Variants in GLI2 observed in about 807,000 individuals in gnomAD.
GLI2 encodes GLI family zinc finger 2.
A neutral mutation model predicts 78.9 loss-of-function variants in GLI2; 22 were observed. The ratio of observed to expected loss-of-function variants is 0.28; its 90% confidence interval spans 0.20 to 0.40. GLI2 has a LOEUF of 0.40. Among genes scored for constraint, GLI2 ranks in the 10% least tolerant of loss-of-function variants. GLI2 has a pLI of 1.00. For missense variants in GLI2, 2,097 were observed against 2,213.2 expected (o/e 0.95, Z 1.05); for synonymous variants, 974 against 963.7 (o/e 1.01, Z -0.20).
chr2:120,750,786 G>C (rs1682843951), intron 1 of GLI2, among the ~76,000 whole-genome samples: 1 of 152,210 alleles, frequency 6.6e-6, no homozygotes, highest in African/African-American at 2.4e-5. Context: ...CCAGAACTTG[G>C]ATACTTCTGT....
At chr2:120,967,204 C>T (rs1681900258) in intron 5 of GLI2, among the ~76,000 whole-genome samples, 2 of 152,344 alleles carry the variant, frequency 1.3e-5, no homozygotes, top group African/African-American at 4.8e-5. Context: ...GCCAGCGGGA[C>T]ATGAGAAGAG....
chr2:120,739,590 G>T (rs1290853671), intron 1 of GLI2, among the ~76,000 whole-genome samples: 1 of 152,224 alleles, frequency 6.6e-6, no homozygotes. Context: ...TTCTACCTGG[G>T]CCAGAGCCTG....
chr2:120,784,087 A>G (rs1407304888), intron 1 of GLI2, among the ~76,000 whole-genome samples: 1 of 152,234 alleles, frequency 6.6e-6, no homozygotes. Context: ...GGGGCAATCC[A>G]GGAGACAGCT....
chr2:120,898,177 A>AACACGC (rs761532505), intron 2 of GLI2, among the ~76,000 whole-genome samples: 2 of 140,314 alleles, frequency 1.4e-5, no homozygotes, highest in East Asian at 4.2e-4. Flanking sequence ...TATAGATTAA[A>AACACGC]ACACACACAC....
At chr2:120,978,344 G>A (rs1367574949) in intron 9 of GLI2, 90 bp from the exon 10 acceptor site, 1 of 1,433,446 alleles carries the variant, frequency 7.0e-7, no homozygotes, top group African/African-American at 1.4e-5. Context: ...GGGCTGGGGG[G>A]GTGCCGGTGC....
chr2:120,783,477 G>A (rs989405361), intron 1 of GLI2, among the ~76,000 whole-genome samples: 1 of 151,926 alleles, frequency 6.6e-6, no homozygotes, highest in Admixed American at 6.6e-5. Flanking sequence ...TTTCCTCTCC[G>A]GAAGCCTTCA....
At position 120,816,289 on chromosome 2, in the gene GLI2, G is replaced by A. The variant is rs1311277749; in HGVS notation, c.148+18821G>A. Among the ~76,000 whole-genome samples the A allele has an allele frequency of 4.7e-5, 7 of 148,542 alleles. No homozygotes were observed. In the East Asian group the frequency reaches 1.0e-3, roughly 21 times the overall value. ...CAGTTCACTGCAACCTCCGCCTCCC[G>A]GGTTCAGGTGATTCTCCTGCCTCAG... On this transcript the variant is annotated intron_variant, in intron 2 of 13. Coordinates refer to ENST00000361492, the MANE Select transcript of GLI2 (RefSeq NM_001374353.1).
chr2:120,927,420 G>C lies in GLI2; in HGVS notation c.208G>C (p.Glu70Gln), dbSNP rs761330896. 1 of 1,614,038 alleles carries C rather than the reference G, an allele frequency of 6.2e-7. No individual in the cohort carries two copies. The change falls in exon 3 of 14, where the codon GAA becomes CAA. Residue 70 changes from glutamate (E) to glutamine (Q), a missense_variant. Coordinates refer to ENST00000361492, the MANE Select transcript of GLI2 (RefSeq NM_001374353.1). ...APLPIDMRHQ[E>Q]GRYHYEPHSV... ...CCTACCGATTGACATGCGACACCAGGAAGGAAGGTACCATTACGAGCCTCA... is the reference window on the plus strand; with the variant it reads ...CCTACCGATTGACATGCGACACCAGCAAGGAAGGTACCATTACGAGCCTCA...
At chr2:120,972,769 G>A (rs1033122508) in intron 8 of GLI2, 11 of 488,922 alleles carry the variant, frequency 2.2e-5, no homozygotes, top group Non-Finnish European at 4.1e-5. Flanking sequence ...AAGTTCAAGC[G>A]GGGAGAGAAG....
At chr2:120,953,778 G>A (rs777407835) in intron 4 of GLI2, among the ~76,000 whole-genome samples, 2 of 152,108 alleles carry the variant, frequency 1.3e-5, no homozygotes, top group African/African-American at 4.8e-5. Flanking sequence ...TTGAGCCCAG[G>A]ACTTCAAGCC....
chr2:120,986,198 T>A, intron 12 of GLI2, 80 bp from the exon 13 acceptor site: 2 of 1,311,560 alleles, frequency 1.5e-6, no homozygotes, highest in South Asian at 2.4e-5. Flanking sequence ...GAGGGTGTGG[T>A]GCCTGTGCAG....
chr2:120,966,950 T>A (rs1458621818), intron 5 of GLI2, among the ~76,000 whole-genome samples: 2 of 152,290 alleles, frequency 1.3e-5, no homozygotes, highest in East Asian at 3.9e-4. Flanking sequence ...AGAGGCTGTG[T>A]GTACTGTGAG....
At chr2:120,902,071 A>G (rs1678286238) in intron 2 of GLI2, among the ~76,000 whole-genome samples, 1 of 151,976 alleles carries the variant, frequency 6.6e-6, no homozygotes, top group African/African-American at 2.4e-5. Flanking sequence ...AGCTGGTTCT[A>G]CGCATCTCTC....
chr2:120,791,616 T>A (rs891093808), intron 1 of GLI2, among the ~76,000 whole-genome samples: 1 of 152,264 alleles, frequency 6.6e-6, no homozygotes, highest in African/African-American at 2.4e-5. Context: ...ATCTCTCATG[T>A]ATGTGCATGT....
At chr2:120,932,161 A>G (rs1679974518) in intron 3 of GLI2, among the ~76,000 whole-genome samples, 1 of 152,314 alleles carries the variant, frequency 6.6e-6, no homozygotes, top group South Asian at 2.1e-4. Flanking sequence ...CATCAAGCCC[A>G]TGTTGTAGCT....
chr2:120,768,790 G>T (rs1474308971), intron 1 of GLI2, among the ~76,000 whole-genome samples: 1 of 148,532 alleles, frequency 6.7e-6, no homozygotes, highest in Non-Finnish European at 1.5e-5. Flanking sequence ...CCTGAAAGAG[G>T]CCCCGCCCCT....
chr2:120,926,666 T>C (rs1679691694), intron 2 of GLI2, among the ~76,000 whole-genome samples: 1 of 152,184 alleles, frequency 6.6e-6, no homozygotes, highest in Admixed American at 6.5e-5. Context: ...ATCATGATGA[T>C]TTGTCGAGGG....
chr2:120,877,315 G>A (rs1688803871), intron 2 of GLI2, among the ~76,000 whole-genome samples: 1 of 152,160 alleles, frequency 6.6e-6, no homozygotes, highest in Non-Finnish European at 1.5e-5. Context: ...ATTTGAGAAA[G>A]TTTTAAACTA....
intron 2 of GLI2, among the ~76,000 whole-genome samples, chr2:120,912,845 C>T (rs1046540467): frequency 6.6e-6 from 1 of 152,100 alleles, no homozygotes; most frequent in African/African-American, 2.4e-5. Flanking sequence ...AAGGGAGGTG[C>T]TGTCGACCAG....
Sources: allele counts gnomAD v4.1 joint callset (sites outside exome capture counted in the v4.1 genomes callset), GRCh38; gene constraint gnomAD v4.1.1; transcripts MANE v1.5; gene names NCBI Gene and HGNC (gene_info 2026-07-23, HGNC 2026-07-21).